The following PLCL2 variants were observed in gnomAD, a reference collection of about 807,000 sequenced individuals.
PLCL2 encodes the protein phospholipase C like 2, also known as inactive phospholipase C-like protein 2.
A neutral mutation model predicts 79.6 loss-of-function variants in PLCL2; 4 were observed. The ratio of observed to expected loss-of-function variants is 0.05; its 90% CI spans 0.02 to 0.11. The LOEUF is 0.11. PLCL2 is among the 10% of genes least tolerant of loss of function. The pLI, the probability that PLCL2 is intolerant of heterozygous loss-of-function variation, is 1.00. For missense variants in PLCL2, 895 were observed against 1,291.0 expected (o/e 0.69, Z 4.70); for synonymous variants, 484 against 457.7 (o/e 1.06, Z -0.73).
At chr3:16,982,863 CA>C (rs1287900140) in intron 1 of PLCL2, among the ~76,000 whole-genome samples, 1 of 152,142 alleles carries the variant, frequency 6.6e-6, no homozygotes, top group Non-Finnish European at 1.5e-5. Context: ...TCTTTAATGG[CA>C]AAAATAAATT....
intron 1 of PLCL2, among the ~76,000 whole-genome samples, chr3:16,926,746 T>C (rs912991477): frequency 6.6e-6 from 1 of 151,968 alleles, no homozygotes; most frequent in African/African-American, 2.4e-5. Context: ...ATTCTCCTGC[T>C]TCAGCCTCCC....
At chr3:17,062,163 A>T (rs1441653030) in intron 4 of PLCL2, among the ~76,000 whole-genome samples, 5 of 152,170 alleles carry the variant, frequency 3.3e-5, no homozygotes, top group Non-Finnish European at 7.3e-5. Flanking sequence ...CAGGCCAGCC[A>T]GGTCTTTTGC....
chr3:16,989,069 G>A lies in PLCL2; in HGVS notation c.328-20605G>A, dbSNP rs964295818. ...AGTTGTAACATTGCTTTCTCTTTAT[G>A]GCATTTGGGGTGATTTGAGGTGAGT... On this transcript the variant is annotated intron_variant, in intron 1 of 5. Transcript: ENST00000615277. Among the ~76,000 whole-genome samples, 8 of 152,040 alleles carry A rather than the reference G, an allele frequency of 5.3e-5. No homozygotes were observed. The East Asian group carries it at 1.5e-3, about 29-fold the overall frequency.
intron 1 of PLCL2, among the ~76,000 whole-genome samples, chr3:16,945,237 CAT>C (rs1009321963): frequency 2.8e-5 from 2 of 71,852 alleles, no homozygotes; most frequent in East Asian, 5.0e-4. Context: ...GACACAAACA[CAT>C]ACACACACAC....
intron 1 of PLCL2, among the ~76,000 whole-genome samples, chr3:16,917,006 A>G (rs1992384): frequency 0.048 from 7,347 of 152,238 alleles, 240 homozygotes; most frequent in Admixed American, 0.11. Context: ...TTTCCTCAGT[A>G]GGTTGCCTGG....
intron 5 of PLCL2, among the ~76,000 whole-genome samples, chr3:17,074,623 A>G (rs1482170826): frequency 6.6e-6 from 1 of 152,240 alleles, no homozygotes; most frequent in East Asian, 1.9e-4. Context: ...AGGCTGTTTC[A>G]TCTACATTGA....
At position 17,089,727 on chromosome 3, in the gene PLCL2, T is replaced by C. The variant is rs754840167; in HGVS notation, c.3205-6T>C. ...TAATACTGTTTAATTGCATGTTTTG[T>C]TATAGGGACAAGCAGATCTTTTGAA... On this transcript the variant is annotated splice_polypyrimidine_tract_variant and splice_region_variant and intron_variant, in intron 5 of 5. Transcript: ENST00000615277. The C allele has an allele frequency of 1.3e-6, 2 of 1,562,510 alleles. No homozygotes were observed. Among genetic ancestry groups the C allele is most frequent in the Non-Finnish European group, 1.8e-6 (2 of 1,135,870 alleles).
chr3:17,057,675 T>C (rs1376239245), intron 4 of PLCL2, among the ~76,000 whole-genome samples: 1 of 152,220 alleles, frequency 6.6e-6, no homozygotes, highest in Non-Finnish European at 1.5e-5. Flanking sequence ...TCTGTAATAA[T>C]TGTTTCCTTG....
At chr3:17,082,923 C>A (rs1037223729) in intron 5 of PLCL2, among the ~76,000 whole-genome samples, 1 of 152,042 alleles carries the variant, frequency 6.6e-6, no homozygotes, top group Admixed American at 6.5e-5. Context: ...GTTTAGGGGG[C>A]AGCTGTGAGA....
intron 3 of PLCL2, among the ~76,000 whole-genome samples, chr3:17,020,338 G>A (rs1456943654): frequency 1.3e-5 from 2 of 152,054 alleles, no homozygotes; most frequent in East Asian, 3.8e-4. Flanking sequence ...CTATGCTTTA[G>A]TCATTGTAAT....
chr3:16,973,408 G>A (rs929582796), intron 1 of PLCL2, among the ~76,000 whole-genome samples: 1 of 150,134 alleles, frequency 6.7e-6, no homozygotes, highest in Non-Finnish European at 1.5e-5. Context: ...CTGTGTCTTG[G>A]GGATGTCATC....
intron 2 of PLCL2, among the ~76,000 whole-genome samples, chr3:17,014,500 T>A (rs1279091767): frequency 2.0e-5 from 3 of 152,212 alleles, no homozygotes; most frequent in Non-Finnish European, 4.4e-5. Flanking sequence ...TTTTGATAAA[T>A]TGGTGTTACA....
chr3:17,040,924 A>AT (rs923152690), intron 3 of PLCL2, among the ~76,000 whole-genome samples: 6 of 150,728 alleles, frequency 4.0e-5, no homozygotes, highest in African/African-American at 9.8e-5. Flanking sequence ...CCTTGATCAT[A>AT]TTTTTTTTTC....
intron 1 of PLCL2, among the ~76,000 whole-genome samples, chr3:16,929,124 C>CCA (rs1559488539): frequency 0.25 from 1,177 of 4,708 alleles, 15 homozygotes; most frequent in African/African-American, 0.26. Context: ...AGGATACCTG[C>CCA]GCAGAAATGA....
chr3:16,926,687 A>G (rs1697260455), intron 1 of PLCL2, among the ~76,000 whole-genome samples: 2 of 151,876 alleles, frequency 1.3e-5, no homozygotes, highest in African/African-American at 4.8e-5. Context: ...GCTGGAGTGC[A>G]GTGGTGCAAT....
At chr3:17,057,429 G>A (rs755859280) in intron 4 of PLCL2, among the ~76,000 whole-genome samples, 7 of 152,020 alleles carry the variant, frequency 4.6e-5, no homozygotes, top group East Asian at 1.9e-4. Context: ...TCTGCCCTCC[G>A]TGTTCATATA....
At chr3:16,902,389 T>C (rs1426129205) in intron 1 of PLCL2, among the ~76,000 whole-genome samples, 1 of 152,208 alleles carries the variant, frequency 6.6e-6, no homozygotes, top group East Asian at 1.9e-4. Flanking sequence ...TTGCGTGATT[T>C]CCATGCATTT....
chr3:16,899,323 G>T (rs1002623008), intron 1 of PLCL2, among the ~76,000 whole-genome samples: 1 of 152,198 alleles, frequency 6.6e-6, no homozygotes, highest in East Asian at 1.9e-4. Context: ...AGGACTGTTA[G>T]TCCAGCCTTA....
rs181319103 is a variant in PLCL2 at position 16,961,632 on chromosome 3, C to T, written c.328-48042C>T. ...ACAGGTAGGGACATCAGCTTCCCAC[C>T]AGACAGGAATAACATTTCCAACCAG... On this transcript the variant is annotated intron_variant, in intron 1 of 5. Coordinates refer to ENST00000615277, the MANE Select transcript of PLCL2 (RefSeq NM_001144382.2). Among the ~76,000 whole-genome samples, 640 of 152,230 alleles carry T rather than the reference C, an allele frequency of 4.2e-3. 2 individuals are homozygous for T. The highest frequency in any genetic ancestry group is 0.015 in the African/African-American group (615 of 41,528).
Sources: gnomAD v4.1 joint callset for allele counts (sites outside exome capture counted in the v4.1 genomes callset) on GRCh38, gnomAD v4.1.1 for gene constraint, MANE v1.5 for transcripts, NCBI Gene and HGNC (gene_info 2026-07-23, HGNC 2026-07-21) for gene names.